Variants in CNTNAP3 observed in about 807,000 individuals in gnomAD.
CNTNAP3 encodes contactin associated protein family member 3.
Under a neutral mutation model 92.1 loss-of-function variants are expected in CNTNAP3, and 36 were observed. That is an observed-to-expected ratio of 0.39 (90% CI 0.30 to 0.52). The LOEUF is 0.52. Ranked by LOEUF, CNTNAP3 falls within the 20% of genes least tolerant of loss-of-function variation. The pLI, the probability that CNTNAP3 is intolerant of heterozygous loss-of-function variation, is 0.76. For missense variants in CNTNAP3, 534 were observed against 1,069.6 expected, an observed-to-expected ratio of 0.50 and a Z score of 6.98; for synonymous variants, 232 against 422.3, an observed-to-expected ratio of 0.55 and a Z score of 5.53.
At chr9:39,136,943 A>AT (rs2118072783) in intron 12 of CNTNAP3, among the ~76,000 whole-genome samples, 1 of 152,278 alleles carries the variant, frequency 6.6e-6, no homozygotes, top group East Asian at 1.9e-4. Context: ...TATAGTTTGA[A>AT]AATATAAGCC....
chr9:39,142,671 C>CAAA (rs560924846), intron 11 of CNTNAP3, among the ~76,000 whole-genome samples: 5 of 102,694 alleles, frequency 4.9e-5, no homozygotes, highest in African/African-American at 1.9e-4. Context: ...GACTCCGTCT[C>CAAA]AAAAAAAAAA....
At chr9:39,149,231 G>A (rs1321077584) in intron 10 of CNTNAP3, among the ~76,000 whole-genome samples, 1 of 152,166 alleles carries the variant, frequency 6.6e-6, no homozygotes, top group Non-Finnish European at 1.5e-5. Flanking sequence ...AAGCGAGCTT[G>A]ATAACTATTA....
At position 39,069,712 on chromosome 9, in the gene CNTNAP3, C is replaced by T. The variant is rs1217612525; in HGVS notation, c.*4178G>A. Among the ~76,000 whole-genome samples the T allele has an allele frequency of 1.4e-4, 21 of 152,278 alleles. No homozygotes were observed. The highest frequency in any genetic ancestry group is 1.6e-4 in the Non-Finnish European group (11 of 68,034). ...AGTAATGGCAACTTTATGTAACCTT[C>T]TTAAGGTTACATTTGCACTTAAGTA... On this transcript the variant is annotated 3_prime_UTR_variant, in exon 24 of 24. Transcript: ENST00000297668.
intron 18 of CNTNAP3, among the ~76,000 whole-genome samples, chr9:39,090,405 T>A (rs1006214980): frequency 6.6e-6 from 1 of 152,204 alleles, no homozygotes; most frequent in Admixed American, 6.5e-5. Flanking sequence ...TTTGGTACAT[T>A]TTTATGTATG....
At chr9:39,136,440 T>C (rs1307224348) in intron 12 of CNTNAP3, among the ~76,000 whole-genome samples, 2 of 152,230 alleles carry the variant, frequency 1.3e-5, no homozygotes, top group Non-Finnish European at 2.9e-5. Flanking sequence ...AAAATCTTTA[T>C]TTCTTCACTT....
At chr9:39,152,553 G>A (rs931850816) in intron 9 of CNTNAP3, among the ~76,000 whole-genome samples, 9 of 145,212 alleles carry the variant, frequency 6.2e-5, no homozygotes, top group African/African-American at 2.4e-4. Flanking sequence ...AGAATTAAGA[G>A]GATTATTAAT....
In CNTNAP3 at chr9:39,068,581, G is replaced by A. The variant is rs1466750494; in HGVS notation, c.*5309C>T. ...GTGTTTCTTTCCCTTGCCTCAGGTAGTTTCATGCACTTTGTTACACACTGA... is the reference window on the plus strand; with the variant it reads ...GTGTTTCTTTCCCTTGCCTCAGGTAATTTCATGCACTTTGTTACACACTGA... On this transcript the variant is annotated 3_prime_UTR_variant, in exon 24 of 24. Coordinates refer to ENST00000297668, the MANE Select transcript of CNTNAP3 (RefSeq NM_033655.5). Among the ~76,000 whole-genome samples the A allele has an allele frequency of 6.6e-6, 1 of 152,310 alleles. No homozygotes were observed. Among genetic ancestry groups the A allele is most frequent in the African/African-American group, 2.4e-5 (1 of 41,486 alleles).
In CNTNAP3 at chr9:39,067,368, T is replaced by C. The variant is rs1210006456; in HGVS notation, c.*6522A>G. ...CTTCACACACTTGGTAATTTTTTATTGTATACCAGACATTGTGATTTTACC... is the reference window on the plus strand; with the variant it reads ...CTTCACACACTTGGTAATTTTTTATCGTATACCAGACATTGTGATTTTACC... On this transcript the variant is annotated 3_prime_UTR_variant, in exon 24 of 24. Coordinates refer to ENST00000297668, the MANE Select transcript of CNTNAP3 (RefSeq NM_033655.5). Among the ~76,000 whole-genome samples, 1,092 of 149,344 alleles carry C rather than the reference T, an allele frequency of 7.3e-3. No individual in the cohort carries two copies. Among genetic ancestry groups the C allele is most frequent in the African/African-American group, 0.027 (1,037 of 38,664 alleles).
intron 21 of CNTNAP3, among the ~76,000 whole-genome samples, chr9:39,083,658 A>G (rs1244829162): frequency 1.3e-5 from 2 of 152,242 alleles, no homozygotes; most frequent in Non-Finnish European, 2.9e-5. Flanking sequence ...TACTCATCTC[A>G]AAAGTGTTTA....
At chr9:39,077,118 A>T (rs1825798069) in intron 23 of CNTNAP3, among the ~76,000 whole-genome samples, 1 of 152,242 alleles carries the variant, frequency 6.6e-6, no homozygotes, top group South Asian at 2.1e-4. Flanking sequence ...AATTAAAAAT[A>T]ACCAGAAAAC....
Position 39,068,070 on chromosome 9 carries a change from G to T in CNTNAP3, c.*5820C>A, listed in dbSNP as rs959221673. Among the ~76,000 whole-genome samples the T allele has an allele frequency of 1.3e-5, 2 of 152,302 alleles. No homozygotes were observed. Among genetic ancestry groups the T allele is most frequent in the African/African-American group, 4.8e-5 (2 of 41,478 alleles). ...CTTTTTGTGTAAAGCCCAGATATAC[G>T]TATAGTACTAAAGAGATATGCAGTG... On this transcript the variant is annotated 3_prime_UTR_variant, in exon 24 of 24. Transcript: ENST00000297668.
At chr9:39,132,586 T>G (rs1002906013) in intron 13 of CNTNAP3, among the ~76,000 whole-genome samples, 17 of 152,284 alleles carry the variant, frequency 1.1e-4, no homozygotes, top group South Asian at 8.3e-4. Context: ...CGGTTCCCAC[T>G]GGTCTTCATG....
intron 4 of CNTNAP3, among the ~76,000 whole-genome samples, chr9:39,179,100 A>T (rs144458815): frequency 1.8e-4 from 20 of 109,998 alleles, no homozygotes; most frequent in Admixed American, 1.3e-3. Context: ...AAACTCTATA[A>T]CGTGGGTGAG....
intron 21 of CNTNAP3, among the ~76,000 whole-genome samples, chr9:39,081,320 A>G (rs1429136136): frequency 6.6e-6 from 1 of 151,964 alleles, no homozygotes; most frequent in Non-Finnish European, 1.5e-5. Flanking sequence ...CAACATGGTC[A>G]AAACCCTTCA....
intron 12 of CNTNAP3, among the ~76,000 whole-genome samples, chr9:39,139,376 C>T (rs1272170311): frequency 2.6e-5 from 4 of 152,182 alleles, no homozygotes; most frequent in African/African-American, 9.7e-5. Context: ...TAATTGGTAT[C>T]TTATGGCAGA....
Position 39,093,356 on chromosome 9 carries a change from T to A in CNTNAP3, c.2996-4709A>T, listed in dbSNP as rs1408478992. 2.0e-5 allele frequency among the ~76,000 whole-genome samples: 3 copies of A among 148,458 alleles called. No individual in the cohort carries two copies. In the East Asian group the frequency reaches 5.9e-4, roughly 29 times the overall value. On this transcript the variant is annotated intron_variant, in intron 18 of 23. Transcript: ENST00000297668. The stretch of plus-strand genomic sequence containing the variant: ...TAACATTTTAATTTCTTTCTTGATT[T>A]CACTATACTTTGGGGTAAAATATAT...
rs1414509247 is a variant in CNTNAP3, at chr9:39,068,572, C to T, written c.*5318G>A. 1.3e-5 allele frequency among the ~76,000 whole-genome samples: 2 copies of T among 152,300 alleles called. No individual in the cohort carries two copies. The highest frequency in any genetic ancestry group is 4.8e-5 in the African/African-American group (2 of 41,480). On this transcript the variant is annotated 3_prime_UTR_variant, in exon 24 of 24. Transcript: ENST00000297668. ...TTCTTTTGAGTGTTTCTTTCCCTTGCCTCAGGTAGTTTCATGCACTTTGTT... is the reference window on the plus strand; with the variant it reads ...TTCTTTTGAGTGTTTCTTTCCCTTGTCTCAGGTAGTTTCATGCACTTTGTT...
chr9:39,097,349 G>A (rs905985431), intron 18 of CNTNAP3, among the ~76,000 whole-genome samples: 2 of 151,928 alleles, frequency 1.3e-5, no homozygotes, highest in African/African-American at 2.4e-5. Context: ...CTGAAGCTGT[G>A]GGGAGTGAGA....
intron 13 of CNTNAP3, among the ~76,000 whole-genome samples, chr9:39,130,925 T>C (rs1376905987): frequency 7.2e-5 from 11 of 151,832 alleles, no homozygotes; most frequent in South Asian, 2.1e-4. Flanking sequence ...GGGAACTGCT[T>C]AACGGCTACT....
Sources: allele counts gnomAD v4.1 joint callset (sites outside exome capture counted in the v4.1 genomes callset), GRCh38; gene constraint gnomAD v4.1.1; transcripts MANE v1.5; gene names NCBI Gene and HGNC (gene_info 2026-07-23, HGNC 2026-07-21).